Variants in DLG2 observed in about 807,000 individuals in gnomAD.
The protein encoded by DLG2 is disks large homolog 2.
In DLG2, 45 loss-of-function variants were observed where a neutral mutation model predicts 132.5. The observed-to-expected ratio is 0.34, with a 90% CI of 0.27 to 0.44. The LOEUF is 0.44. Among genes scored for constraint, DLG2 ranks in the 20% least tolerant of loss-of-function variants. DLG2 has a pLI of 1.00. For synonymous variants in DLG2, 424 were observed against 419.6 expected (o/e 1.01, Z -0.13); for missense variants, 1,045 against 1,196.9 (o/e 0.87, Z 1.87).
intron 11 of DLG2, among the ~76,000 whole-genome samples, chr11:84,058,647 A>G (rs2096543654): frequency 6.6e-6 from 1 of 151,390 alleles, no homozygotes; most frequent in South Asian, 2.1e-4. Flanking sequence ...TGATCCTGCC[A>G]CTGCACTCTA....
intron 3 of DLG2, among the ~76,000 whole-genome samples, chr11:85,512,544 G>A (rs2094097306): frequency 6.6e-6 from 1 of 151,990 alleles, no homozygotes. Flanking sequence ...GTTAAACAGT[G>A]CCTACTTTAC....
intron 11 of DLG2, among the ~76,000 whole-genome samples, chr11:84,030,649 A>G (rs1373634711): frequency 6.6e-6 from 1 of 152,182 alleles, no homozygotes; most frequent in East Asian, 1.9e-4. Context: ...GGGTTGACTC[A>G]GAATTCATGA....
chr11:84,760,147 T>C (rs1173754280), intron 6 of DLG2, among the ~76,000 whole-genome samples: 1 of 152,206 alleles, frequency 6.6e-6, no homozygotes, highest in Non-Finnish European at 1.5e-5. Flanking sequence ...TCCCAAAGGA[T>C]TTAGATCAAT....
intron 7 of DLG2, among the ~76,000 whole-genome samples, chr11:84,379,700 C>A (rs2098742524): frequency 6.6e-6 from 1 of 151,776 alleles, no homozygotes; most frequent in Admixed American, 6.6e-5. Context: ...TGAGTATAAA[C>A]CGTAACATTA....
At chr11:84,931,667 G>C (rs2048104703) in intron 6 of DLG2, among the ~76,000 whole-genome samples, 1 of 152,136 alleles carries the variant, frequency 6.6e-6, no homozygotes, top group African/African-American at 2.4e-5. Context: ...TCTGTCTTGA[G>C]GTCTTTGAGG....
intron 6 of DLG2, among the ~76,000 whole-genome samples, chr11:84,809,711 T>C (rs753116612): frequency 6.6e-6 from 1 of 151,934 alleles, no homozygotes; most frequent in Non-Finnish European, 1.5e-5. Flanking sequence ...ATACTGTATA[T>C]CAAAAACTAT....
At chr11:85,017,673 G>C (rs903917718) in intron 6 of DLG2, among the ~76,000 whole-genome samples, 6 of 152,160 alleles carry the variant, frequency 3.9e-5, no homozygotes, top group Non-Finnish European at 7.3e-5. Context: ...TATGAGAAAA[G>C]TAATCAAGTC....
chr11:84,650,869 G>GTATATATATATATATATATATATA (rs1183546230), intron 6 of DLG2, among the ~76,000 whole-genome samples: 2 of 121,662 alleles, frequency 1.6e-5, no homozygotes, highest in African/African-American at 8.1e-5. Flanking sequence ...GTGTGTGTGT[G>GTATATATATATATATATATATATA]TGTGTATATA....
At chr11:84,926,394 T>C (rs965627856) in intron 6 of DLG2, among the ~76,000 whole-genome samples, 5 of 152,008 alleles carry the variant, frequency 3.3e-5, no homozygotes, top group African/African-American at 9.7e-5. Context: ...AAAATATCCA[T>C]CAGTATGGAA....
intron 16 of DLG2, among the ~76,000 whole-genome samples, chr11:83,863,992 G>T (rs1023360170): frequency 6.6e-6 from 1 of 152,132 alleles, no homozygotes; most frequent in Non-Finnish European, 1.5e-5. Context: ...TTGACCACAG[G>T]AGAATTCTCC....
chr11:84,914,097 G>C (rs746454378), intron 6 of DLG2, among the ~76,000 whole-genome samples: 1 of 152,234 alleles, frequency 6.6e-6, no homozygotes, highest in East Asian at 1.9e-4. Flanking sequence ...TGTAAATCTA[G>C]TTATACCTAT....
intron 6 of DLG2, among the ~76,000 whole-genome samples, chr11:84,871,461 T>G (rs899275847): frequency 6.6e-6 from 1 of 152,164 alleles, no homozygotes; most frequent in African/African-American, 2.4e-5. Context: ...ATTTGTAACA[T>G]AGGCTTTTTG....
chr11:85,483,076 A>C (rs188542321), intron 3 of DLG2, among the ~76,000 whole-genome samples: 2 of 152,372 alleles, frequency 1.3e-5, no homozygotes, highest in African/African-American at 4.8e-5. Flanking sequence ...TAAATATCCA[A>C]GTAGAGGAAC....
At chr11:84,044,081 A>G (rs1235722011) in intron 11 of DLG2, among the ~76,000 whole-genome samples, 1 of 151,666 alleles carries the variant, frequency 6.6e-6, no homozygotes, top group Non-Finnish European at 1.5e-5. Context: ...CACAGGGTTA[A>G]TAGCATGAGC....
At position 84,452,735 on chromosome 11, in the gene DLG2, G is replaced by A. The variant is rs983653704; in HGVS notation, c.519+81835C>T. On this transcript the variant is annotated intron_variant, in intron 7 of 27. Coordinates refer to ENST00000376104, the MANE Select transcript of DLG2 (RefSeq NM_001142699.3). ...ATCACCAGCTCAAAGGAAAGCTGTG[G>A]ATGGAGCAGGTTTTGTAAGAAACAT... 4.0e-5 allele frequency among the ~76,000 whole-genome samples: 6 copies of A among 151,514 alleles called. No individual in the cohort carries two copies. In the East Asian group the frequency reaches 5.8e-4, roughly 15 times the overall value.
chr11:84,379,985 T>A (rs756094026), intron 7 of DLG2, among the ~76,000 whole-genome samples: 29 of 151,564 alleles, frequency 1.9e-4, no homozygotes, highest in Non-Finnish European at 3.7e-4. Context: ...GTAACACAAC[T>A]AAATATGGAG....
intron 6 of DLG2, among the ~76,000 whole-genome samples, chr11:84,980,739 A>C (rs1469233036): frequency 6.6e-6 from 1 of 152,212 alleles, no homozygotes; most frequent in South Asian, 2.1e-4. Flanking sequence ...AAAAGCATCC[A>C]AATTTCTTTA....
intron 21 of DLG2, chr11:83,486,073 A>T: frequency 3.9e-6 from 2 of 517,674 alleles, no homozygotes; most frequent in Non-Finnish European, 6.8e-6. Flanking sequence ...GACAGCACCT[A>T]TGTTCAATAT....
chr11:85,483,470 T>G (rs2093346978), intron 3 of DLG2, among the ~76,000 whole-genome samples: 1 of 152,152 alleles, frequency 6.6e-6, no homozygotes, highest in Non-Finnish European at 1.5e-5. Context: ...TTACAAGAGA[T>G]GCTAGAGGGA....
Sources: gnomAD v4.1 joint callset for allele counts (sites outside exome capture counted in the v4.1 genomes callset) on GRCh38, gnomAD v4.1.1 for gene constraint, MANE v1.5 for transcripts, NCBI Gene and HGNC (gene_info 2026-07-23, HGNC 2026-07-21) for gene names.